TDRD9: variants seen among roughly 807,000 people sequenced by gnomAD.
TDRD9 encodes ATP-dependent RNA helicase TDRD9.
Under a neutral mutation model 172.6 loss-of-function variants are expected in TDRD9, and 124 were observed. That is an observed-to-expected ratio of 0.72 (90% CI 0.62 to 0.83). The LOEUF (loss-of-function observed/expected upper bound fraction) is 0.83. Among genes scored for constraint, TDRD9 ranks in the 40% least tolerant of loss-of-function variants. The probability of loss-of-function intolerance (pLI) is 0.00; values close to 1 mark genes in which losing one functional copy is unlikely to be tolerated. For missense variants in TDRD9, 1,479 were observed against 1,714.1 expected (o/e 0.86, Z 2.42); for synonymous variants, 619 against 617.1 (o/e 1.00, Z -0.05).
At chr14:103,983,472 ACTT>A (rs2033558961) in intron 7 of TDRD9, among the ~76,000 whole-genome samples, 1 of 152,128 alleles carries the variant, frequency 6.6e-6, no homozygotes, top group Admixed American at 6.5e-5. Flanking sequence ...TCACCTGAAG[ACTT>A]CTTTTGATTT....
intron 2 of TDRD9, among the ~76,000 whole-genome samples, chr14:103,958,403 A>G (rs1270421181): frequency 6.6e-6 from 1 of 151,664 alleles, no homozygotes; most frequent in African/African-American, 2.4e-5. Context: ...TGGGTGTGGG[A>G]GGGCTGGGCA....
intron 6 of TDRD9, among the ~76,000 whole-genome samples, chr14:103,972,355 C>T (rs1272488128): frequency 1.3e-5 from 2 of 152,010 alleles, no homozygotes; most frequent in African/African-American, 2.4e-5. Context: ...AATCTGCAGT[C>T]CCTGTGTTCG....
At chr14:103,983,427 G>GA (rs887517973) in intron 7 of TDRD9, among the ~76,000 whole-genome samples, 2 of 151,874 alleles carry the variant, frequency 1.3e-5, no homozygotes, top group South Asian at 2.1e-4. Context: ...GTAAAAATTG[G>GA]AAAAAAAATT....
At position 104,047,699 on chromosome 14, in the gene TDRD9, T is replaced by C. The variant is rs2140936402; in HGVS notation, c.3975-1909T>C. 2.0e-5 allele frequency among the ~76,000 whole-genome samples: 3 copies of C among 152,338 alleles called. No individual in the cohort carries two copies. In the South Asian group the frequency reaches 6.2e-4, roughly 32 times the overall value. On this transcript the variant is annotated intron_variant, in intron 34 of 35. Coordinates refer to ENST00000409874, the MANE Select transcript of TDRD9 (RefSeq NM_153046.3). ...GTCTTTGAGGCTCTGGTCACTCTTC[T>C]TCAGTCTCTTTCCTTTTTGTGCTTC...
Position 104,025,722 on chromosome 14 carries a change from T to A in TDRD9, c.2877T>A (p.Asp959Glu). Residue 959 changes from aspartate (D) to glutamate (E), a missense_variant, in exon 26 of 36, where the codon GAT becomes GAA. This residue lies in a region of TDRD9 where 1,413 missense variants were observed against 1,649.1 expected (regional missense o/e 0.86). Coordinates refer to ENST00000409874, the MANE Select transcript of TDRD9 (RefSeq NM_153046.3). ...LVCLAPFADFDKQRYFRAQVL... is the reference protein window; with the variant it reads ...LVCLAPFADFEKQRYFRAQVL... Reference sequence around the variant, plus strand: ...GTCTGGCACCTTTTGCTGATTTTGATAAACAACGCTACTTTAGAGCTCAAG... The same window carrying A: ...GTCTGGCACCTTTTGCTGATTTTGAAAAACAACGCTACTTTAGAGCTCAAG... 3 of 1,614,046 alleles carry A rather than the reference T, an allele frequency of 1.9e-6. No homozygotes were observed. Among genetic ancestry groups the A allele is most frequent in the Non-Finnish European group, 2.5e-6 (3 of 1,179,898 alleles).
In TDRD9 at chr14:103,989,732, G is replaced by A. The variant is rs141111567; in HGVS notation, c.1116-1428G>A. Among the ~76,000 whole-genome samples, 818 of 152,346 alleles carry A rather than the reference G, an allele frequency of 5.4e-3. 4 individuals carry two copies. Among genetic ancestry groups the A allele is most frequent in the Admixed American group, 0.01 (159 of 15,304 alleles). ...TGGCATCCAGCAGTGGTAGCAGCCG[G>A]ATGAGTCTCATCTCAGGAAAGTGCA... On this transcript the variant is annotated intron_variant, in intron 8 of 35. Transcript: ENST00000409874.
intron 25 of TDRD9, 69 bp downstream of exon 25, chr14:104,024,749 TAC>T (rs60394937): frequency 0.14 from 58,753 of 431,490 alleles, 2,914 homozygotes; most frequent in East Asian, 0.17. Flanking sequence ...ACAGGAAGTT[TAC>T]ACACACACAC....
chr14:104,014,359 A>G (rs2034716736), intron 20 of TDRD9, among the ~76,000 whole-genome samples: 1 of 151,588 alleles, frequency 6.6e-6, no homozygotes, highest in South Asian at 2.1e-4. Flanking sequence ...GGCTCACTGC[A>G]ACCGCTGCCC....
chr14:104,013,235 G>A (rs1229218150), intron 20 of TDRD9, among the ~76,000 whole-genome samples: 2 of 152,172 alleles, frequency 1.3e-5, no homozygotes, highest in Admixed American at 6.5e-5. Context: ...TTTATGATCA[G>A]TTCATAGGTA....
At chr14:103,931,416 G>T (rs982865681) in intron 1 of TDRD9, among the ~76,000 whole-genome samples, 1 of 152,152 alleles carries the variant, frequency 6.6e-6, no homozygotes, top group African/African-American at 2.4e-5. Flanking sequence ...TGCTAGTTTT[G>T]ATGAAATTCT....
intron 1 of TDRD9, among the ~76,000 whole-genome samples, chr14:103,950,997 C>T (rs1454221569): frequency 6.6e-6 from 1 of 152,200 alleles, no homozygotes; most frequent in Non-Finnish European, 1.5e-5. Context: ...TATTTCAGAA[C>T]AATTGTGTAC....
intron 2 of TDRD9, among the ~76,000 whole-genome samples, chr14:103,959,678 ACTT>A (rs1488944552): frequency 1.3e-5 from 2 of 152,174 alleles, no homozygotes; most frequent in Admixed American, 6.5e-5. Context: ...GTGTTATTTC[ACTT>A]ATAAGTATTA....
At chr14:103,928,922 AG>A (rs1310571525) in intron 1 of TDRD9, 198 bp downstream of exon 1, 5 of 111,306 alleles carry the variant, frequency 4.5e-5, no homozygotes, top group East Asian at 2.1e-4. Flanking sequence ...GCTGAGCTAG[AG>A]GTTTTTTTTT....
Position 104,022,143 on chromosome 14 carries a change from C to T in TDRD9, c.2433-14C>T. The T allele has an allele frequency of 6.5e-7, 1 of 1,539,922 alleles. No homozygotes were observed. Among genetic ancestry groups the T allele is most frequent in the Non-Finnish European group, 8.7e-7 (1 of 1,143,008 alleles). Reference sequence around the variant, plus strand: ...CCTGATAAATTTATTTTTAAATTTACATTTGTGGAACAGAGCCTTTGTGGA... The same window carrying T: ...CCTGATAAATTTATTTTTAAATTTATATTTGTGGAACAGAGCCTTTGTGGA... On this transcript the variant is annotated splice_polypyrimidine_tract_variant and intron_variant, in intron 23 of 35. Transcript: ENST00000409874.
At chr14:104,050,318 C>T (rs913137904) in intron 35 of TDRD9, among the ~76,000 whole-genome samples, 3 of 152,162 alleles carry the variant, frequency 2.0e-5, no homozygotes, top group Admixed American at 6.5e-5. Context: ...TCCCAGAGGC[C>T]CCATCTCCAA....
At chr14:103,933,508 G>A (rs961999777) in intron 1 of TDRD9, among the ~76,000 whole-genome samples, 1 of 152,036 alleles carries the variant, frequency 6.6e-6, no homozygotes, top group African/African-American at 2.4e-5. Context: ...CCACTATCTG[G>A]TGATTACTTT....
chr14:104,049,097 GGTAT>G lies in TDRD9; in HGVS notation c.3975-488_3975-485del, dbSNP rs199759056. On this transcript the variant is annotated intron_variant, in intron 34 of 35. Transcript: ENST00000409874. ...CCAGAGCCTTCAAATGGTTGTTGTT[GGTAT>G]GTATGTATGTATGTATGTATGTGTG... 1.1e-3 allele frequency among the ~76,000 whole-genome samples: 162 copies of G among 147,788 alleles called. 1 individual carries two copies. The highest frequency in any genetic ancestry group is 3.7e-3 in the African/African-American group (150 of 40,192).
chr14:104,009,447 T>G (rs2034542409), intron 20 of TDRD9, among the ~76,000 whole-genome samples: 1 of 152,116 alleles, frequency 6.6e-6, no homozygotes, highest in African/African-American at 2.4e-5. Flanking sequence ...TATAGGGAGC[T>G]TATGGTGAAT....
At position 103,965,991 on chromosome 14, in the gene TDRD9, T is replaced by C. The variant is rs139597919; in HGVS notation, c.642+437T>C. Among the ~76,000 whole-genome samples, 545 of 152,104 alleles carry C rather than the reference T, an allele frequency of 3.6e-3. 4 individuals carry two copies. The highest frequency in any genetic ancestry group is 0.014 in the South Asian group (67 of 4,808). On this transcript the variant is annotated intron_variant, in intron 4 of 35. Coordinates refer to ENST00000409874, the MANE Select transcript of TDRD9 (RefSeq NM_153046.3). ...AACAAAAAAAGAAACCAGCTGCTTA[T>C]AGAAGAGAACTGTGGCATAATTTTA...
Sources: allele counts gnomAD v4.1 joint callset (sites outside exome capture counted in the v4.1 genomes callset), GRCh38; gene constraint gnomAD v4.1.1; regional missense constraint gnomAD v4.1.1; transcripts MANE v1.5; gene names NCBI Gene and HGNC (gene_info 2026-07-23, HGNC 2026-07-21).